SOX1: variants seen among roughly 807,000 people sequenced by gnomAD.
SOX1 encodes the protein transcription factor SOX-1.
Under a neutral mutation model 0.9 loss-of-function variants are expected in SOX1, and 1 was observed. That is an observed-to-expected ratio of 1.07 (90% CI 0.38 to 5.06). The LOEUF is 5.06. Ranked by LOEUF, SOX1 falls within the 30% of genes most tolerant of loss-of-function variation. SOX1 has a pLI of 0.16. For synonymous variants in SOX1, 397 were observed against 265.5 expected, an observed-to-expected ratio of 1.50 and a Z score of -4.81; for missense variants, 564 against 534.4, an observed-to-expected ratio of 1.06 and a Z score of -0.55.
rs1880744992 is a variant in SOX1 at position 112,067,403 on chromosome 13, C to G, written c.-256C>G. 6.6e-6 allele frequency among the ~76,000 whole-genome samples: 1 copy of G among 152,166 alleles called. No individual in the cohort carries two copies. The highest frequency in any genetic ancestry group is 1.5e-5 in the Non-Finnish European group (1 of 68,012). ...TGCGGTGGCGGCGAAGACGGCGACCCCGACCGTCGGCCTCTTTGGCAAGTG... is the reference window on the plus strand; with the variant it reads ...TGCGGTGGCGGCGAAGACGGCGACCGCGACCGTCGGCCTCTTTGGCAAGTG... On this transcript the variant is annotated 5_prime_UTR_variant, in exon 1 of 1. Coordinates refer to ENST00000330949, the MANE Select transcript of SOX1 (RefSeq NM_005986.3). The surrounding 1 kb of genome is among the most constrained non-coding windows in gnomAD (Gnocchi z 5.1).
In SOX1 at chr13:112,071,233, G is replaced by A. The variant is rs1479155561; in HGVS notation, c.*2399G>A. Among the ~76,000 whole-genome samples, 3 of 152,178 alleles carry A rather than the reference G, an allele frequency of 2.0e-5. No homozygotes were observed. Among genetic ancestry groups the A allele is most frequent in the Non-Finnish European group, 4.4e-5 (3 of 68,034 alleles). ...CATCTAGGTCTTGGCTCAAGATTAG[G>A]ATGTGGGCCCCACTTTAGAGGCACA... On this transcript the variant is annotated 3_prime_UTR_variant, in exon 1 of 1. Coordinates refer to ENST00000330949, the MANE Select transcript of SOX1 (RefSeq NM_005986.3).
Position 112,068,360 on chromosome 13 carries a change from C to T in SOX1, c.702C>T (p.His234=). 1 of 1,264,466 alleles carries T rather than the reference C, an allele frequency of 7.9e-7. No homozygotes were observed. Among genetic ancestry groups the T allele is most frequent in the Non-Finnish European group, 1.0e-6 (1 of 984,258 alleles). 78.3% of individuals were successfully genotyped at this position (1,264,466 alleles called of 1,614,324 possible). ...CGCACCCCGCGCACCCGCACCCGCA[C>T]CACCCGCACGCGCACCCGCACAACC... ...PHAHPAHPHP[H]HPHAHPHNPQ... The change falls in exon 1 of 1, where the codon CAC becomes CAT. Residue 234 remains histidine, a synonymous_variant. Coordinates refer to ENST00000330949, the MANE Select transcript of SOX1 (RefSeq NM_005986.3). This position sits in a 1 kb window ranked among gnomAD's most constrained non-coding sequence, Gnocchi z 6.9.
rs1174389623 is a variant in SOX1 at position 112,071,273 on chromosome 13, G to T, written c.*2439G>T. Among the ~76,000 whole-genome samples the T allele has an allele frequency of 1.3e-5, 2 of 152,220 alleles. No homozygotes were observed. Among genetic ancestry groups the T allele is most frequent in the African/African-American group, 4.8e-5 (2 of 41,450 alleles). ...TTAGAGGCACAGACTATGAAAAGCT[G>T]AGTTAGTGCGCCCGGGACGCCAGGC... On this transcript the variant is annotated 3_prime_UTR_variant, in exon 1 of 1. Transcript: ENST00000330949.
At position 112,069,425 on chromosome 13, in the gene SOX1, TTATG is replaced by T. The variant is rs762914228; in HGVS notation, c.*595_*598del. 1.3e-4 allele frequency: 22 copies of T among 166,904 alleles called. No homozygotes were observed. The South Asian group carries it at 1.5e-3, about 11-fold the overall frequency. The allele number at this position is 166,904 out of a possible 1,614,324, so 10.3% of individuals were successfully genotyped here. A position where few individuals can be genotyped will look rare whatever the true frequency, so the allele number is the denominator to read the frequency against. The stretch of plus-strand genomic sequence containing the variant: ...GTTATATTCTGGGTTTTGTAAAACT[TTATG>T]TATCTGAGCATTTCCATTTTTTTTT... On this transcript the variant is annotated 3_prime_UTR_variant, in exon 1 of 1. Transcript: ENST00000330949.
rs896216943 is a variant in SOX1, at chr13:112,067,961, C to G, written c.303C>G (p.Ile101Met). The change falls in exon 1 of 1, where the codon ATC (isoleucine) becomes ATG (methionine). Residue 101 changes from isoleucine (I) to methionine (M), a missense_variant. By Grantham distance (10) the Ile-to-Met change is conservative. Coordinates refer to ENST00000330949, the MANE Select transcript of SOX1 (RefSeq NM_005986.3). This position sits in a 1 kb window ranked among gnomAD's most constrained non-coding sequence, Gnocchi z 5.1. ...VMSEAEKRPF[I>M]DEAKRLRALH... The stretch of plus-strand genomic sequence containing the variant: ...CCGAGGCCGAGAAGCGGCCGTTCAT[C>G]GACGAGGCCAAGCGGCTGCGCGCGC... 6.2e-7 allele frequency: 1 copy of G among 1,607,400 alleles called. No homozygotes were observed. The highest frequency in any genetic ancestry group is 1.1e-5 in the South Asian group (1 of 90,792).
Position 112,068,349 on chromosome 13 carries a change from C to CCGCACCCGCACCACCCGCACG in SOX1, c.703_723dup (p.His235_His241dup), listed in dbSNP as rs1277713927. On this transcript the variant is annotated inframe_insertion, in exon 1 of 1. Transcript: ENST00000330949. The surrounding 1 kb of genome is among the most constrained non-coding windows in gnomAD (Gnocchi z 6.9). ...GCACCCGCACGCGCACCCCGCGCAC[C>CCGCACCCGCACCACCCGCACG]CGCACCCGCACCACCCGCACGCGCA... 7 of 1,235,624 alleles carry CCGCACCCGCACCACCCGCACG rather than the reference C, an allele frequency of 5.7e-6. No individual in the cohort carries two copies. The highest frequency in any genetic ancestry group is 1.6e-5 in the African/African-American group (1 of 60,782). The allele number at this position is 1,235,624 out of a possible 1,614,324, so 76.5% of individuals were successfully genotyped here.
At position 112,067,674 on chromosome 13, in the gene SOX1, A is replaced by C; in HGVS notation, c.16A>C (p.Met6Leu). 1 of 1,272,728 alleles carries C rather than the reference A, an allele frequency of 7.9e-7. No individual in the cohort carries two copies. Among genetic ancestry groups the C allele is most frequent in the Non-Finnish European group, 1.0e-6 (1 of 998,384 alleles). The allele number at this position is 1,272,728 out of a possible 1,614,324, so 78.8% of individuals were successfully genotyped here. A position where few individuals can be genotyped will look rare whatever the true frequency, so the allele number is the denominator to read the frequency against. MYSMM[M>L]ETDLHSPGGA... ...AGCCGCCCCGATGTACAGCATGATGATGGAGACCGACCTGCACTCGCCCGG... is the reference window on the plus strand; with the variant it reads ...AGCCGCCCCGATGTACAGCATGATGCTGGAGACCGACCTGCACTCGCCCGG... Residue 6 changes from methionine (M) to leucine (L), a missense_variant, in exon 1 of 1, where the codon ATG (methionine) becomes CTG (leucine). Transcript: ENST00000330949. This position sits in a 1 kb window ranked among gnomAD's most constrained non-coding sequence, Gnocchi z 5.1.
chr13:112,068,499 G>A lies in SOX1; in HGVS notation c.841G>A (p.Ala281Thr). 9.7e-7 allele frequency: 1 copy of A among 1,025,854 alleles called. No homozygotes were observed. The allele number at this position is 1,025,854 out of a possible 1,614,324, so 63.5% of individuals were successfully genotyped here. Reference protein sequence around the residue: ...SGYGGLPYGAAAAAAAAAGGA... With the variant: ...SGYGGLPYGATAAAAAAAGGA... ...CTACGGCGGCCTCCCCTACGGCGCC[G>A]CGGCCGCCGCCGCCGCCGCTGCGGG... is the stretch of plus-strand genomic sequence containing the variant. Residue 281 changes from alanine (A) to threonine (T), a missense_variant, in exon 1 of 1, where the codon GCG becomes ACG. Ala to Thr is a moderately conservative substitution (Grantham distance 58). Coordinates refer to ENST00000330949, the MANE Select transcript of SOX1 (RefSeq NM_005986.3). The surrounding 1 kb of genome is among the most constrained non-coding windows in gnomAD (Gnocchi z 6.9).
rs948455345 is a variant in SOX1 at position 112,070,234 on chromosome 13, A to G, written c.*1400A>G. The stretch of plus-strand genomic sequence containing the variant: ...GGCAAAATAATTGTGCTGGATTCTC[A>G]CACACACAGAAATATCGACCATCAC... On this transcript the variant is annotated 3_prime_UTR_variant, in exon 1 of 1. Coordinates refer to ENST00000330949, the MANE Select transcript of SOX1 (RefSeq NM_005986.3). The G allele has an allele frequency of 6.0e-6, 1 of 166,998 alleles. No individual in the cohort carries two copies. The highest frequency in any genetic ancestry group is 1.5e-5 in the Non-Finnish European group (1 of 68,126). The allele number at this position is 166,998 out of a possible 1,614,324, so 10.3% of individuals were successfully genotyped here.
Position 112,070,655 on chromosome 13 carries a change from T to A in SOX1, c.*1821T>A, listed in dbSNP as rs1026254361. 6.6e-6 allele frequency among the ~76,000 whole-genome samples: 1 copy of A among 152,202 alleles called. No homozygotes were observed. The highest frequency in any genetic ancestry group is 1.5e-5 in the Non-Finnish European group (1 of 68,034). ...CTTGTCCTGGAGTATGGACTGTCCG[T>A]CCAAAAGTGAGCCTATGCTATAAGT... On this transcript the variant is annotated 3_prime_UTR_variant, in exon 1 of 1. Transcript: ENST00000330949.
At position 112,068,589 on chromosome 13, in the gene SOX1, C is replaced by G. The variant is rs995495530; in HGVS notation, c.931C>G (p.Leu311Val). ...GGCGGCGGCCGCGTCGTCGGGCGCC[C>G]TGGGCGCGCTGGGCTCTCTGGTGAA... ...AAAAAASSGA[L>V]GALGSLVKSE... The change falls in exon 1 of 1, where the codon CTG becomes GTG. Residue 311 changes from leucine to valine, a missense_variant. Coordinates refer to ENST00000330949, the MANE Select transcript of SOX1 (RefSeq NM_005986.3). This position sits in a 1 kb window ranked among gnomAD's most constrained non-coding sequence, Gnocchi z 6.9. The G allele has an allele frequency of 5.4e-6, 6 of 1,103,492 alleles. No individual in the cohort carries two copies. The highest frequency in any genetic ancestry group is 5.2e-5 in the Admixed American group (1 of 19,308). The allele number at this position is 1,103,492 out of a possible 1,614,324, so 68.4% of individuals were successfully genotyped here.
In SOX1 at chr13:112,069,139, G is replaced by A. The variant is rs930497721; in HGVS notation, c.*305G>A. The A allele has an allele frequency of 5.3e-6, 1 of 187,934 alleles. No homozygotes were observed. The highest frequency in any genetic ancestry group is 2.4e-5 in the African/African-American group (1 of 42,316). The allele number at this position is 187,934 out of a possible 1,614,324, so 11.6% of individuals were successfully genotyped here. ...AGCGGAAAGCGTTTTCTTTGCTCGAGGGGACAAAAAAGTCAAAACGAGGCG... is the reference window on the plus strand; with the variant it reads ...AGCGGAAAGCGTTTTCTTTGCTCGAAGGGACAAAAAAGTCAAAACGAGGCG... On this transcript the variant is annotated 3_prime_UTR_variant, in exon 1 of 1. Coordinates refer to ENST00000330949, the MANE Select transcript of SOX1 (RefSeq NM_005986.3).
At position 112,067,559 on chromosome 13, in the gene SOX1, G is replaced by C. The variant is rs1038529918; in HGVS notation, c.-100G>C. On this transcript the variant is annotated 5_prime_UTR_variant, in exon 1 of 1. Transcript: ENST00000330949. This position sits in a 1 kb window ranked among gnomAD's most constrained non-coding sequence, Gnocchi z 5.1. Reference sequence around the variant, plus strand: ...TCTCCGCTAGGACCCCCCCGCCCCCGTCTCACTCCGTCTGAATTCCTCTCC... The same window carrying C: ...TCTCCGCTAGGACCCCCCCGCCCCCCTCTCACTCCGTCTGAATTCCTCTCC... The C allele has an allele frequency of 4.4e-5, 13 of 296,158 alleles. No individual in the cohort carries two copies. The highest frequency in any genetic ancestry group is 7.1e-5 in the African/African-American group (3 of 42,262). 18.3% of individuals were successfully genotyped at this position (296,158 alleles called of 1,614,324 possible).
At position 112,069,386 on chromosome 13, in the gene SOX1, C is replaced by G. The variant is rs1260649541; in HGVS notation, c.*552C>G. On this transcript the variant is annotated 3_prime_UTR_variant, in exon 1 of 1. Coordinates refer to ENST00000330949, the MANE Select transcript of SOX1 (RefSeq NM_005986.3). ...AAGAGATTACCACCACCACCCCCTC[C>G]TTCAGACGGCGGAGTTATATTCTGG... The G allele has an allele frequency of 6.0e-6, 1 of 166,940 alleles. No individual in the cohort carries two copies. The highest frequency in any genetic ancestry group is 1.5e-5 in the Non-Finnish European group (1 of 68,118). The allele number at this position is 166,940 out of a possible 1,614,324, so 10.3% of individuals were successfully genotyped here. A position where few individuals can be genotyped will look rare whatever the true frequency, so the allele number is the denominator to read the frequency against.
Position 112,068,096 on chromosome 13 carries a change from G to C in SOX1, c.438G>C (p.Ala146=). Residue 146 remains alanine, a synonymous_variant, in exon 1 of 1, where the codon GCG becomes GCC. Transcript: ENST00000330949. The surrounding 1 kb of genome is among the most constrained non-coding windows in gnomAD (Gnocchi z 6.9). ...SLAGGLLAAG[A]GGGGAAVAMG... ...CCGGCGGGCTCCTGGCGGCCGGCGC[G>C]GGTGGCGGCGGCGCGGCTGTGGCCA... The C allele has an allele frequency of 2.0e-6, 3 of 1,522,012 alleles. No individual in the cohort carries two copies. Among genetic ancestry groups the C allele is most frequent in the Middle Eastern group, 2.0e-4 (1 of 4,894 alleles). The allele number at this position is 1,522,012 out of a possible 1,614,324, so 94.3% of individuals were successfully genotyped here.
In SOX1 at chr13:112,068,121, A is replaced by ATGGGGG; in HGVS notation, c.467_468insGGTGGG (p.Val161_Gly162dup). The ATGGGGG allele has an allele frequency of 7.7e-7, 1 of 1,297,328 alleles. No individual in the cohort carries two copies. The highest frequency in any genetic ancestry group is 9.9e-7 in the Non-Finnish European group (1 of 1,010,986). The allele number at this position is 1,297,328 out of a possible 1,614,324, so 80.4% of individuals were successfully genotyped here. A position where few individuals can be genotyped will look rare whatever the true frequency, so the allele number is the denominator to read the frequency against. ...GGGTGGCGGCGGCGCGGCTGTGGCCATGGGCGTGGGCGTGGGCGTGGGCGC... is the reference window on the plus strand; with the variant it reads ...GGGTGGCGGCGGCGCGGCTGTGGCCATGGGGGTGGGCGTGGGCGTGGGCGTGGGCGC... On this transcript the variant is annotated inframe_insertion, in exon 1 of 1. Transcript: ENST00000330949. The surrounding 1 kb of genome is among the most constrained non-coding windows in gnomAD (Gnocchi z 6.9).
At position 112,067,602 on chromosome 13, in the gene SOX1, G is replaced by A. The variant is rs1272036534; in HGVS notation, c.-57G>A. 2 of 1,083,352 alleles carry A rather than the reference G, an allele frequency of 1.8e-6. No individual in the cohort carries two copies. The highest frequency in any genetic ancestry group is 2.3e-6 in the Non-Finnish European group (2 of 856,428). The allele number at this position is 1,083,352 out of a possible 1,614,324, so 67.1% of individuals were successfully genotyped here. ...TCCTCTCCGTCTCCCTCCCACCCCG[G>A]CCGTCTATGCTCCAGGCCCTCTCCT... On this transcript the variant is annotated 5_prime_UTR_variant, in exon 1 of 1. Transcript: ENST00000330949. This position sits in a 1 kb window ranked among gnomAD's most constrained non-coding sequence, Gnocchi z 5.1.
rs3832904 is a variant in SOX1 at position 112,070,857 on chromosome 13, AC to A, written c.*2032del. ...CCACTGCTTTCTAACAAGATAATAA[AC>A]CCCCCCCCTCTTTTCTTTTTCTTTA... On this transcript the variant is annotated 3_prime_UTR_variant, in exon 1 of 1. Transcript: ENST00000330949. Among the ~76,000 whole-genome samples the A allele has an allele frequency of 3.4e-3, 494 of 143,494 alleles. 2 individuals carry two copies. Among genetic ancestry groups the A allele is most frequent in the Non-Finnish European group, 3.7e-3 (245 of 66,144 alleles). 94.1% of individuals were successfully genotyped at this position (143,494 alleles called of 152,430 possible).
At position 112,068,512 on chromosome 13, in the gene SOX1, C is replaced by T. The variant is rs1466098528; in HGVS notation, c.854C>T (p.Ala285Val). 11 of 1,001,296 alleles carry T rather than the reference C, an allele frequency of 1.1e-5. No individual in the cohort carries two copies. The highest frequency in any genetic ancestry group is 1.2e-5 in the Non-Finnish European group (10 of 842,216). The allele number at this position is 1,001,296 out of a possible 1,614,324, so 62.0% of individuals were successfully genotyped here. A position where few individuals can be genotyped will look rare whatever the true frequency, so the allele number is the denominator to read the frequency against. Residue 285 changes from alanine (A) to valine (V), a missense_variant, in exon 1 of 1, where the codon GCC becomes GTC. By Grantham distance (64) the Ala-to-Val change is moderately conservative. Transcript: ENST00000330949. This position sits in a 1 kb window ranked among gnomAD's most constrained non-coding sequence, Gnocchi z 6.9. Reference protein sequence around the residue: ...GLPYGAAAAAAAAAGGAHQNS... With the variant: ...GLPYGAAAAAVAAAGGAHQNS... ...CCCTACGGCGCCGCGGCCGCCGCCG[C>T]CGCCGCTGCGGGCGGCGCGCACCAG...
Sources: allele counts gnomAD v4.1 joint callset (sites outside exome capture counted in the v4.1 genomes callset), GRCh38; gene constraint gnomAD v4.1.1; non-coding constraint Gnocchi (gnomAD v3.1); transcripts MANE v1.5; gene names NCBI Gene and HGNC (gene_info 2026-07-23, HGNC 2026-07-21).